Variants in JADE2 observed in about 807,000 individuals in gnomAD.
The protein encoded by JADE2 is E3 ubiquitin-protein ligase Jade-2.
In JADE2, 13 loss-of-function variants were observed where a neutral mutation model predicts 85.7. That is an observed-to-expected ratio of 0.15 (90% CI 0.10 to 0.24). JADE2 has a LOEUF of 0.24. Among genes scored for constraint, JADE2 ranks in the 10% least tolerant of loss-of-function variants. JADE2 has a pLI of 1.00. For missense variants in JADE2, 846 were observed against 1,115.9 expected (o/e 0.76, Z 3.45); for synonymous variants, 440 against 456.1 (o/e 0.96, Z 0.45).
In JADE2 at chr5:134,579,411, C is replaced by G; in HGVS notation, c.*94C>G. The G allele has an allele frequency of 2.0e-6, 2 of 1,006,726 alleles. No individual in the cohort carries two copies. Among genetic ancestry groups the G allele is most frequent in the Non-Finnish European group, 2.8e-6 (2 of 705,878 alleles). The allele number at this position is 1,006,726 out of a possible 1,614,324, so 62.4% of individuals were successfully genotyped here. On this transcript the variant is annotated 3_prime_UTR_variant, in exon 12 of 12. Coordinates refer to ENST00000681547, the MANE Select transcript of JADE2 (RefSeq NM_001388185.1). This position sits in a 1 kb window ranked among gnomAD's most constrained non-coding sequence, Gnocchi z 4.6. ...CATTTCCAGTCTCTGCTGAGTGTCC[C>G]AGACCCTCGAGGCTGCCACTCCGTC...
intron 3 of JADE2, among the ~76,000 whole-genome samples, chr5:134,540,130 C>T (rs969912804): frequency 4.5e-4 from 68 of 152,210 alleles, no homozygotes; most frequent in Non-Finnish European, 1.6e-4. Context: ...TGTGCTTAAG[C>T]GCAGCCAAGG....
chr5:134,580,304 T>A lies in JADE2; in HGVS notation c.*987T>A, dbSNP rs1031391148. ...TCTTCCGTGGTTTCCTTTTGGAAAC[T>A]CCTCCTTCCAACAAGCAGTGGGATC... On this transcript the variant is annotated 3_prime_UTR_variant, in exon 12 of 12. Coordinates refer to ENST00000681547, the MANE Select transcript of JADE2 (RefSeq NM_001388185.1). The A allele has an allele frequency of 5.2e-5, 8 of 152,680 alleles. No individual in the cohort carries two copies. Among genetic ancestry groups the A allele is most frequent in the Admixed American group, 2.0e-4 (3 of 15,278 alleles). The allele number at this position is 152,680 out of a possible 1,614,324, so 9.5% of individuals were successfully genotyped here. A position where few individuals can be genotyped will look rare whatever the true frequency, so the allele number is the denominator to read the frequency against.
intron 3 of JADE2, among the ~76,000 whole-genome samples, chr5:134,545,427 T>C (rs1003404502): frequency 6.6e-6 from 1 of 151,688 alleles, no homozygotes; most frequent in African/African-American, 2.4e-5. Flanking sequence ...TTTTTTTAAG[T>C]GTCTTACGAA....
At chr5:134,550,291 C>A (rs1055067890) in intron 3 of JADE2, among the ~76,000 whole-genome samples, 1 of 152,182 alleles carries the variant, frequency 6.6e-6, no homozygotes, top group Non-Finnish European at 1.5e-5. Flanking sequence ...CATCTAGATG[C>A]AGACGTTAAT....
At chr5:134,530,650 C>A (rs762213318) in intron 1 of JADE2, among the ~76,000 whole-genome samples, 4 of 152,218 alleles carry the variant, frequency 2.6e-5, no homozygotes, top group Non-Finnish European at 5.9e-5. Context: ...TAAGTCCAGA[C>A]CTGAGGCCCT....
intron 4 of JADE2, among the ~76,000 whole-genome samples, chr5:134,552,723 A>G (rs1413236129): frequency 6.6e-6 from 1 of 152,122 alleles, no homozygotes; most frequent in Non-Finnish European, 1.5e-5. Flanking sequence ...CCCAGGCTGG[A>G]GTGCAGTGGT....
chr5:134,579,536 G>T lies in JADE2; in HGVS notation c.*219G>T. ...TAGGATTCCTTCCACGGCTCCGGCC[G>T]CTAGGACCCTGCCAGGTCCCGCGCA... On this transcript the variant is annotated 3_prime_UTR_variant, in exon 12 of 12. Coordinates refer to ENST00000681547, the MANE Select transcript of JADE2 (RefSeq NM_001388185.1). The surrounding 1 kb of genome is among the most constrained non-coding windows in gnomAD (Gnocchi z 4.6). 1.8e-6 allele frequency: 1 copy of T among 545,550 alleles called. No homozygotes were observed. The highest frequency in any genetic ancestry group is 3.2e-6 in the Non-Finnish European group (1 of 308,350). The allele number at this position is 545,550 out of a possible 1,614,324, so 33.8% of individuals were successfully genotyped here.
intron 3 of JADE2, among the ~76,000 whole-genome samples, chr5:134,540,004 G>C (rs548672184): frequency 3.3e-5 from 5 of 152,100 alleles, no homozygotes; most frequent in African/African-American, 1.2e-4. Flanking sequence ...GTTTTCTCTG[G>C]GAATGCTGTT....
At position 134,562,176 on chromosome 5, in the gene JADE2, C is replaced by G. The variant is rs766795436; in HGVS notation, c.685-24C>G. The G allele has an allele frequency of 1.9e-6, 3 of 1,583,542 alleles. No homozygotes were observed. Among genetic ancestry groups the G allele is most frequent in the Non-Finnish European group, 2.6e-6 (3 of 1,162,724 alleles). ...CACAGATTGGCCAGTTCCGCTGACT[C>G]ATGACCACCCTGCTCTCTCCTAGGC... On this transcript the variant is annotated intron_variant, in intron 6 of 11. Transcript: ENST00000681547. This position sits in a 1 kb window ranked among gnomAD's most constrained non-coding sequence, Gnocchi z 4.6.
chr5:134,545,909 G>A (rs772175539), intron 3 of JADE2, among the ~76,000 whole-genome samples: 6 of 152,162 alleles, frequency 3.9e-5, no homozygotes, highest in Admixed American at 6.5e-5. Context: ...CCAGCTCTAC[G>A]TTGGGACTTT....
intron 3 of JADE2, among the ~76,000 whole-genome samples, chr5:134,550,473 A>G (rs1270385118): frequency 2.0e-5 from 3 of 152,244 alleles, no homozygotes; most frequent in Admixed American, 6.5e-5. Flanking sequence ...CACCGGGCAC[A>G]GCGGTGGATG....
At chr5:134,527,654 C>A (rs1760943290) in intron 1 of JADE2, among the ~76,000 whole-genome samples, 1 of 152,018 alleles carries the variant, frequency 6.6e-6, no homozygotes, top group Admixed American at 6.5e-5. Flanking sequence ...GCTCCTCCTC[C>A]CGGCTCCGGC....
chr5:134,544,516 G>A (rs1304889228), intron 3 of JADE2: 1 of 166,684 alleles, frequency 6.0e-6, no homozygotes, highest in Non-Finnish European at 1.5e-5. Context: ...ATGGAGCCCT[G>A]GGGGGTGAAG....
In JADE2 at chr5:134,579,243, G is replaced by A. The variant is rs1764580488; in HGVS notation, c.2431G>A (p.Asp811Asn). The part of the protein sequence containing the change: ...EMSDSDVEAE[D>N]GGVQRGPREA... The stretch of plus-strand genomic sequence containing the variant: ...GAGCGACTCAGATGTAGAGGCCGAG[G>A]ACGGTGGGGTGCAGCGGGGTCCCCG... The change falls in exon 12 of 12, where the codon GAC becomes AAC. Residue 811 changes from aspartate to asparagine, a missense_variant. Asp to Asn is a conservative substitution (Grantham distance 23, BLOSUM62 1). Transcript: ENST00000681547. The surrounding 1 kb of genome is among the most constrained non-coding windows in gnomAD (Gnocchi z 4.6). The A allele has an allele frequency of 1.2e-6, 2 of 1,613,972 alleles. No homozygotes were observed. The highest frequency in any genetic ancestry group is 2.7e-5 in the African/African-American group (2 of 74,956).
At chr5:134,576,271 G>C (rs1764360084) in intron 10 of JADE2, among the ~76,000 whole-genome samples, 1 of 152,064 alleles carries the variant, frequency 6.6e-6, no homozygotes. Flanking sequence ...GGTGCACCCT[G>C]AATCTCCCAT....
At chr5:134,540,387 T>C (rs1450832552) in intron 3 of JADE2, among the ~76,000 whole-genome samples, 2 of 149,242 alleles carry the variant, frequency 1.3e-5, no homozygotes, top group Non-Finnish European at 3.0e-5. Flanking sequence ...CCTGGCTAAT[T>C]TTTTTTTTTG....
rs117696308 is a variant in JADE2 at position 134,578,649 on chromosome 5, C to T, written c.1837C>T (p.Leu613=). ...DPAPGLLSEE[L]LQDEETLLSF... Reference sequence around the variant, plus strand: ...TGCTCCAGGGCTGCTGTCAGAGGAACTGCTGCAGGACGAGGAGACACTGCT... The same window carrying T: ...TGCTCCAGGGCTGCTGTCAGAGGAATTGCTGCAGGACGAGGAGACACTGCT... Residue 613 remains leucine, a synonymous_variant, in exon 12 of 12, where the codon CTG becomes TTG. Transcript: ENST00000681547. This position sits in a 1 kb window ranked among gnomAD's most constrained non-coding sequence, Gnocchi z 4.4. 108 of 1,614,126 alleles carry T rather than the reference C, an allele frequency of 6.7e-5. No individual in the cohort carries two copies. The East Asian group carries it at 2.2e-3, about 33-fold the overall frequency.
At chr5:134,575,721 C>A (rs1332740678) in intron 10 of JADE2, 8 of 56,858 alleles carry the variant, frequency 1.4e-4, no homozygotes, top group Admixed American at 4.9e-4. Flanking sequence ...CAGCCTGTCT[C>A]TACAAAAAAA....
chr5:134,524,575 G>C (rs1760693558), upstream of JADE2: 1 of 153,324 alleles, frequency 6.5e-6, no homozygotes, highest in African/African-American at 2.4e-5. Flanking sequence ...GGAAGAGCAA[G>C]GAGGAAGGGG....
Sources: gnomAD v4.1 joint callset for allele counts (sites outside exome capture counted in the v4.1 genomes callset) on GRCh38, gnomAD v4.1.1 for gene constraint, Gnocchi (gnomAD v3.1) non-coding constraint, MANE v1.5 for transcripts, NCBI Gene and HGNC (gene_info 2026-07-23, HGNC 2026-07-21) for gene names.